Variants in PHLDB2 observed in about 807,000 individuals in gnomAD.
PHLDB2 encodes the protein pleckstrin homology like domain family B member 2, also known as pleckstrin homology-like domain family B member 2.
Under a neutral mutation model 123.6 loss-of-function variants are expected in PHLDB2, and 71 were observed. That is an observed-to-expected ratio of 0.57 (90% CI 0.47 to 0.70). PHLDB2 has a LOEUF of 0.70. PHLDB2 is among the 30% of genes least tolerant of loss of function. PHLDB2 has a pLI of 0.00. For synonymous variants in PHLDB2, 547 were observed against 541.6 expected (o/e 1.01, Z -0.14); for missense variants, 1,446 against 1,519.5 (o/e 0.95, Z 0.80).
At position 111,885,006 on chromosome 3, in the gene PHLDB2, G is replaced by A; in HGVS notation, c.929G>A (p.Gly310Glu). ...NYLNFSSLSS[G>E]ALPYKTSASE... ...CTTAATTTTTCTTCTTTGAGCTCAGGGGCTTTACCCTATAAAACCTCTGCT... is the reference window on the plus strand; with the variant it reads ...CTTAATTTTTCTTCTTTGAGCTCAGAGGCTTTACCCTATAAAACCTCTGCT... The change falls in exon 2 of 18, where the codon GGG becomes GAG. Residue 310 changes from glycine (G) to glutamate (E), a missense_variant. Physicochemically the swap from Gly to Glu is moderately conservative, Grantham distance 98. Around this residue, in one of 3 missense-constraint regions of PHLDB2, gnomAD observed 832 missense variants for 831.9 expected, o/e 1.00. Coordinates refer to ENST00000431670, the MANE Select transcript of PHLDB2 (RefSeq NM_001134438.2). The A allele has an allele frequency of 6.2e-7, 1 of 1,614,034 alleles. No homozygotes were observed. The highest frequency in any genetic ancestry group is 1.6e-4 in the Middle Eastern group (1 of 6,062).
chr3:111,927,630 G>A (rs1294468131), intron 5 of PHLDB2, among the ~76,000 whole-genome samples: 1 of 152,160 alleles, frequency 6.6e-6, no homozygotes, highest in Non-Finnish European at 1.5e-5. Flanking sequence ...CCGACAAACA[G>A]AATCATTTTG....
intron 1 of PHLDB2, among the ~76,000 whole-genome samples, chr3:111,734,458 AC>A (rs1042847370): frequency 6.6e-6 from 1 of 152,162 alleles, no homozygotes; most frequent in Non-Finnish European, 1.5e-5. Flanking sequence ...ATATTTCCCC[AC>A]ATTACTGAAG....
chr3:111,893,758 C>CA (rs35372627), intron 2 of PHLDB2, among the ~76,000 whole-genome samples: 84,925 of 136,428 alleles, frequency 0.62, 25,854 homozygotes, highest in East Asian at 0.93. Context: ...TTAAGGTAAG[C>CA]AAAAAAAAAA....
In PHLDB2 at chr3:111,929,410, G is replaced by A. The variant is rs1240608488; in HGVS notation, c.2002-2859G>A. Among the ~76,000 whole-genome samples the A allele has an allele frequency of 4.6e-5, 7 of 152,200 alleles. No homozygotes were observed. The East Asian group carries it at 1.2e-3, about 25-fold the overall frequency. On this transcript the variant is annotated intron_variant, in intron 5 of 17. Transcript: ENST00000431670. ...AGGTGAGTTTACCAATTTAAATATG[G>A]TGGAAGAGAAAAACCTCAATCTTAA...
Position 111,948,223 on chromosome 3 carries a change from G to A in PHLDB2, c.2488-709G>A, listed in dbSNP as rs147022140. Among the ~76,000 whole-genome samples the A allele has an allele frequency of 3.0e-3, 450 of 152,060 alleles. 1 individual carries two copies. The highest frequency in any genetic ancestry group is 5.5e-3 in the Non-Finnish European group (372 of 67,976). Reference sequence around the variant, plus strand: ...CTGCCTTGAATTGAAACATACCCTGGTTGCAACTCTACCTTAGGACTCCGT... The same window carrying A: ...CTGCCTTGAATTGAAACATACCCTGATTGCAACTCTACCTTAGGACTCCGT... On this transcript the variant is annotated intron_variant, in intron 9 of 17. Transcript: ENST00000431670.
chr3:111,826,450 C>T (rs2062657608), intron 1 of PHLDB2, among the ~76,000 whole-genome samples: 1 of 152,140 alleles, frequency 6.6e-6, no homozygotes, highest in South Asian at 2.1e-4. Flanking sequence ...GGTGAGAAGA[C>T]CACCCACATA....
upstream of PHLDB2, among the ~76,000 whole-genome samples, chr3:111,857,861 A>G (rs1252308629): frequency 1.3e-5 from 2 of 152,224 alleles, no homozygotes; most frequent in Non-Finnish European, 2.9e-5. Flanking sequence ...TGGTGGGAGT[A>G]TAAGTTAGTT....
At chr3:111,909,616 T>A (rs2067760392) in intron 2 of PHLDB2, among the ~76,000 whole-genome samples, 1 of 151,652 alleles carries the variant, frequency 6.6e-6, no homozygotes, top group African/African-American at 2.4e-5. Context: ...AAGAAAAAAA[T>A]TTTCATCTTG....
intron 9 of PHLDB2, among the ~76,000 whole-genome samples, chr3:111,946,210 C>A (rs753031083): frequency 6.6e-6 from 1 of 152,030 alleles, no homozygotes; most frequent in East Asian, 1.9e-4. Context: ...TTAGTAGAGA[C>A]GGGGTTTCGC....
At chr3:111,795,283 C>T (rs1411876976) in intron 1 of PHLDB2, among the ~76,000 whole-genome samples, 1 of 152,120 alleles carries the variant, frequency 6.6e-6, no homozygotes, top group Non-Finnish European at 1.5e-5. Context: ...CCTTTTCCTC[C>T]CAAAAATGAT....
intron 12 of PHLDB2, chr3:111,958,612 G>C (rs1167281480): frequency 2.3e-6 from 1 of 430,898 alleles, no homozygotes; most frequent in East Asian, 7.0e-5. Context: ...TCCTTGTGTG[G>C]CTATGATTAG....
intron 1 of PHLDB2, among the ~76,000 whole-genome samples, chr3:111,803,841 C>T (rs2061469964): frequency 6.6e-6 from 1 of 152,084 alleles, no homozygotes; most frequent in Non-Finnish European, 1.5e-5. Context: ...TATTTCTTAA[C>T]AAAGCGTAGA....
At chr3:111,843,632 TC>T (rs1409584828) in intron 1 of PHLDB2, among the ~76,000 whole-genome samples, 2 of 152,190 alleles carry the variant, frequency 1.3e-5, no homozygotes, top group Non-Finnish European at 2.9e-5. Context: ...GCTCAAGTGA[TC>T]CTCCTGCCTC....
intron 1 of PHLDB2, among the ~76,000 whole-genome samples, chr3:111,787,565 A>G (rs1365672404): frequency 6.6e-6 from 1 of 152,120 alleles, no homozygotes; most frequent in Non-Finnish European, 1.5e-5. Flanking sequence ...CTAGAATTGG[A>G]GGGCTCAATC....
At chr3:111,904,276 T>TTAAAAAAAAAAAAAAAAAAA (rs1368088646) in intron 2 of PHLDB2, among the ~76,000 whole-genome samples, 1 of 11,030 alleles carries the variant, frequency 9.1e-5, no homozygotes, top group African/African-American at 1.7e-4. Flanking sequence ...AGACCCTGTC[T>TTAAAAAAAAAAAAAAAAAAA]CAAAAAAAAA....
chr3:111,866,696 T>A (rs113970339), intron 1 of PHLDB2, among the ~76,000 whole-genome samples: 2,540 of 152,222 alleles, frequency 0.017, 58 homozygotes, highest in African/African-American at 0.051. Context: ...TTGCTTGAAA[T>A]TAGCTTTGAG....
Position 111,967,806 on chromosome 3 carries a change from GGA to G in PHLDB2, c.3302_3303del (p.Arg1101ThrfsTer20). On this transcript the variant is annotated frameshift_variant, in exon 15 of 18. Transcript: ENST00000431670. LOFTEE classifies it high-confidence loss of function. ...KLIEKEVKIR[E>X]RQRAQARPLT... ...TAATAGAAAAGGAAGTAAAAATAAGGGAGAGACAAAGGGCACAGGTTGGTCGG... is the reference window on the plus strand; with the variant it reads ...TAATAGAAAAGGAAGTAAAAATAAGGGAGACAAAGGGCACAGGTTGGTCGG... 1 of 1,610,580 alleles carries G rather than the reference GGA, an allele frequency of 6.2e-7. No homozygotes were observed. Among genetic ancestry groups the G allele is most frequent in the Non-Finnish European group, 8.5e-7 (1 of 1,178,938 alleles).
chr3:111,782,851 GA>G (rs1186152872), intron 1 of PHLDB2, among the ~76,000 whole-genome samples: 1 of 152,022 alleles, frequency 6.6e-6, no homozygotes, highest in Non-Finnish European at 1.5e-5. Context: ...TATTCAGAGA[GA>G]AAAAAGTTTT....
chr3:111,748,797 C>T (rs186081903), intron 1 of PHLDB2, among the ~76,000 whole-genome samples: 11 of 152,284 alleles, frequency 7.2e-5, no homozygotes, highest in Admixed American at 5.9e-4. Context: ...GCTGGGATTA[C>T]AGGCGTGAGT....
Sources: allele counts gnomAD v4.1 joint callset (sites outside exome capture counted in the v4.1 genomes callset), GRCh38; gene constraint gnomAD v4.1.1; regional missense constraint gnomAD v4.1.1; transcripts MANE v1.5; gene names NCBI Gene and HGNC (gene_info 2026-07-23, HGNC 2026-07-21).